The following TBC1D5 variants were observed in gnomAD, a reference collection of about 807,000 sequenced individuals.
TBC1D5 encodes the protein TBC1 domain family member 5.
Under a neutral mutation model 100.3 loss-of-function variants are expected in TBC1D5, and 75 were observed. The ratio of observed to expected loss-of-function variants is 0.75; its 90% CI spans 0.62 to 0.91. The LOEUF is 0.91. TBC1D5 is among the 40% of genes least tolerant of loss of function. TBC1D5 has a pLI of 0.00. For synonymous variants in TBC1D5, 323 were observed against 325.6 expected (o/e 0.99, Z 0.09); for missense variants, 910 against 942.4 (o/e 0.97, Z 0.45).
chr3:17,381,090 A>T (rs1403709514), intron 9 of TBC1D5, among the ~76,000 whole-genome samples: 1 of 152,124 alleles, frequency 6.6e-6, no homozygotes, highest in Non-Finnish European at 1.5e-5. Flanking sequence ...TAAATATTTT[A>T]AAATGACACC....
At chr3:17,513,845 A>G (rs2095945864) in intron 2 of TBC1D5, among the ~76,000 whole-genome samples, 3 of 152,202 alleles carry the variant, frequency 2.0e-5, no homozygotes, top group Admixed American at 6.5e-5. Flanking sequence ...CAGAAATATG[A>G]CATATGGGGT....
chr3:17,269,155 A>T (rs1307503281), intron 15 of TBC1D5, among the ~76,000 whole-genome samples: 1 of 152,154 alleles, frequency 6.6e-6, no homozygotes, highest in Non-Finnish European at 1.5e-5. Context: ...AGCCCTGGAT[A>T]GGAGTAACAT....
At chr3:17,517,256 C>T (rs1304979539) in intron 2 of TBC1D5, among the ~76,000 whole-genome samples, 2 of 152,176 alleles carry the variant, frequency 1.3e-5, no homozygotes, top group African/African-American at 4.8e-5. Context: ...TTCTGAACTA[C>T]GCTTTTTTAG....
intron 3 of TBC1D5, among the ~76,000 whole-genome samples, chr3:17,487,344 C>T (rs770652731): frequency 4.7e-4 from 71 of 152,148 alleles, no homozygotes; most frequent in African/African-American, 1.6e-3. Context: ...AGAAAAATAA[C>T]ACTAACAGTT....
At chr3:17,727,581 C>A (rs1431359995) in intron 1 of TBC1D5, among the ~76,000 whole-genome samples, 2 of 152,120 alleles carry the variant, frequency 1.3e-5, no homozygotes, top group Non-Finnish European at 2.9e-5. Flanking sequence ...CACAAATCTA[C>A]ATGAAATAAA....
At chr3:17,276,981 A>C (rs1306870509) in intron 15 of TBC1D5, among the ~76,000 whole-genome samples, 1 of 152,246 alleles carries the variant, frequency 6.6e-6, no homozygotes, top group Non-Finnish European at 1.5e-5. Context: ...AGAAGCCTGA[A>C]GAACTGTGTG....
intron 1 of TBC1D5, among the ~76,000 whole-genome samples, chr3:17,633,198 A>T (rs2063637026): frequency 6.6e-6 from 1 of 152,182 alleles, no homozygotes; most frequent in Admixed American, 6.5e-5. Context: ...GCACTTCAGG[A>T]GGCCGAGGCG....
At chr3:17,305,118 C>G (rs1277177311) in intron 14 of TBC1D5, among the ~76,000 whole-genome samples, 2 of 152,126 alleles carry the variant, frequency 1.3e-5, no homozygotes, top group African/African-American at 4.8e-5. Context: ...GCAAAGGTAT[C>G]CAATGACTGT....
chr3:17,454,389 A>G (rs1346067516), intron 3 of TBC1D5, among the ~76,000 whole-genome samples: 1 of 152,218 alleles, frequency 6.6e-6, no homozygotes, highest in African/African-American at 2.4e-5. Context: ...CTCTACAAAA[A>G]AAAACTAGTA....
chr3:17,213,174 T>C (rs1264289338), intron 18 of TBC1D5, among the ~76,000 whole-genome samples: 3 of 152,204 alleles, frequency 2.0e-5, no homozygotes, highest in Non-Finnish European at 4.4e-5. Flanking sequence ...TTGCCTGCAG[T>C]ATTCAGTACA....
chr3:17,647,699 T>C (rs778280542), intron 1 of TBC1D5, among the ~76,000 whole-genome samples: 7 of 152,158 alleles, frequency 4.6e-5, no homozygotes, highest in South Asian at 2.1e-4. Flanking sequence ...TCGAATGATA[T>C]ACTGTCTTAA....
intron 13 of TBC1D5, among the ~76,000 whole-genome samples, chr3:17,369,372 G>GTATACTACA (rs1413927285): frequency 2.0e-5 from 3 of 152,070 alleles, no homozygotes; most frequent in Non-Finnish European, 4.4e-5. Flanking sequence ...TACATTAAAT[G>GTATACTACA]TATACTACAT....
chr3:17,533,617 T>C (rs1442714783), intron 2 of TBC1D5, among the ~76,000 whole-genome samples: 1 of 152,208 alleles, frequency 6.6e-6, no homozygotes, highest in Non-Finnish European at 1.5e-5. Context: ...TGGATAAATT[T>C]ATTAATAGAG....
chr3:17,321,995 G>A (rs777139706), intron 13 of TBC1D5, among the ~76,000 whole-genome samples: 1 of 152,108 alleles, frequency 6.6e-6, no homozygotes, highest in South Asian at 2.1e-4. Context: ...CATGAATTAC[G>A]AGAGGTACAA....
At chr3:17,225,235 T>TA (rs1447672577) in intron 17 of TBC1D5, among the ~76,000 whole-genome samples, 1 of 151,996 alleles carries the variant, frequency 6.6e-6, no homozygotes, top group Non-Finnish European at 1.5e-5. Flanking sequence ...GGTCAGGAGT[T>TA]AGAGACCAGC....
At chr3:17,579,242 G>C (rs1008874489) in intron 2 of TBC1D5, among the ~76,000 whole-genome samples, 1 of 151,962 alleles carries the variant, frequency 6.6e-6, no homozygotes, top group Non-Finnish European at 1.5e-5. Flanking sequence ...CCTGAAGTGG[G>C]TGTAACCTGA....
intron 16 of TBC1D5, among the ~76,000 whole-genome samples, chr3:17,254,061 AGTATT>A (rs1311126045): frequency 6.6e-6 from 1 of 152,234 alleles, no homozygotes; most frequent in East Asian, 1.9e-4. Context: ...ATAGCTGAGT[AGTATT>A]CCATTATTTG....
At chr3:17,565,427 T>G (rs1192753390) in intron 2 of TBC1D5, among the ~76,000 whole-genome samples, 1 of 152,128 alleles carries the variant, frequency 6.6e-6, no homozygotes, top group Non-Finnish European at 1.5e-5. Context: ...ACAGAAAAAG[T>G]AATCAGTACT....
intron 15 of TBC1D5, among the ~76,000 whole-genome samples, chr3:17,275,457 T>C (rs1409023327): frequency 1.3e-5 from 2 of 152,062 alleles, no homozygotes; most frequent in African/African-American, 2.4e-5. Context: ...GGAGGACCAC[T>C]TGAGCCCAGG....
Sources: gnomAD v4.1 joint callset for allele counts (sites outside exome capture counted in the v4.1 genomes callset) on GRCh38, gnomAD v4.1.1 for gene constraint, MANE v1.5 for transcripts, NCBI Gene and HGNC (gene_info 2026-07-23, HGNC 2026-07-21) for gene names.